VPS4B: variants seen among roughly 807,000 people sequenced by gnomAD.
The protein encoded by VPS4B is vacuolar protein sorting-associated protein 4B.
A neutral mutation model predicts 56.1 loss-of-function variants in VPS4B; 23 were observed. The observed-to-expected ratio is 0.41, with a 90% CI of 0.30 to 0.58. The LOEUF is 0.58. Among genes scored for constraint, VPS4B ranks in the 20% least tolerant of loss-of-function variants. VPS4B has a pLI of 0.29. For synonymous variants in VPS4B, 177 were observed against 186.0 expected, an observed-to-expected ratio of 0.95 and a Z score of 0.39; for missense variants, 372 against 531.9, an observed-to-expected ratio of 0.70 and a Z score of 2.96.
intron 1 of VPS4B, among the ~76,000 whole-genome samples, chr18:63,421,521 G>A (rs1916301138): frequency 1.3e-5 from 2 of 152,170 alleles, no homozygotes; most frequent in African/African-American, 4.8e-5. Context: ...TCCATTCTGG[G>A]GATGGGAGAC....
chr18:63,417,516 T>C (rs970879982), intron 1 of VPS4B, among the ~76,000 whole-genome samples: 2 of 152,196 alleles, frequency 1.3e-5, no homozygotes, highest in African/African-American at 4.8e-5. Context: ...GCGTCCTTCA[T>C]TGATTCTTCC....
intron 3 of VPS4B, among the ~76,000 whole-genome samples, chr18:63,407,915 G>C (rs1299248811): frequency 6.6e-6 from 1 of 152,158 alleles, no homozygotes; most frequent in Non-Finnish European, 1.5e-5. Flanking sequence ...AAAAAAATCT[G>C]GAACACTAAG....
At chr18:63,418,860 C>T (rs377575267) in intron 1 of VPS4B, among the ~76,000 whole-genome samples, 2 of 152,168 alleles carry the variant, frequency 1.3e-5, no homozygotes, top group South Asian at 2.1e-4. Context: ...ACCACCTGTA[C>T]GCTAATAAAT....
chr18:63,419,311 G>C (rs941018270), intron 1 of VPS4B, among the ~76,000 whole-genome samples: 1 of 152,128 alleles, frequency 6.6e-6, no homozygotes, highest in African/African-American at 2.4e-5. Context: ...CTGCTACATG[G>C]GGGGCTGATG....
Position 63,393,568 on chromosome 18 carries a change from T to C in VPS4B, c.1093-19A>G, listed in dbSNP as rs748335019. 1.9e-6 allele frequency: 3 copies of C among 1,549,548 alleles called. 1 individual carries two copies. The South Asian group carries it at 3.7e-5, about 19-fold the overall frequency. On this transcript the variant is annotated intron_variant, in intron 9 of 10. Transcript: ENST00000238497. ...CGCGAACCTGAAATAAACAGTAATC[T>C]GAAATATGTATTTGAAACAAAATTG... is the stretch of plus-strand genomic sequence containing the variant.
Position 63,397,161 on chromosome 18 carries a change from G to T in VPS4B, c.965C>A (p.Thr322Lys). 6.2e-7 allele frequency: 1 copy of T among 1,614,142 alleles called. No homozygotes were observed. The highest frequency in any genetic ancestry group is 8.5e-7 in the Non-Finnish European group (1 of 1,180,038). The change falls in exon 9 of 11, where the codon ACG becomes AAG. Residue 322 changes from threonine to lysine, a missense_variant. Around this residue, in one of 3 missense-constraint regions of VPS4B, gnomAD observed 153 missense variants for 190.9 expected, o/e 0.80. Transcript: ENST00000238497. ...LHLGTTQNSL[T>K]EADFRELGRK... ...CCCAAGTTCCCGAAAGTCTGCTTCC[G>T]TGAGACTGTTCTGAGTGGTCCCTAG...
chr18:63,410,511 TAA>T, intron 2 of VPS4B, 65 bp from the exon 3 acceptor site: 2 of 1,563,986 alleles, frequency 1.3e-6, no homozygotes, highest in Non-Finnish European at 1.7e-6. Context: ...TTTGAACTCT[TAA>T]ATATGTATTT....
At chr18:63,410,923 TAC>T (rs751393578) in intron 2 of VPS4B, among the ~76,000 whole-genome samples, 110 of 152,356 alleles carry the variant, frequency 7.2e-4, no homozygotes, top group Middle Eastern at 3.4e-3. Flanking sequence ...TAAATTTTAC[TAC>T]ACAAAGGCCT....
chr18:63,412,667 A>C (rs1916069766), intron 1 of VPS4B, among the ~76,000 whole-genome samples: 1 of 152,170 alleles, frequency 6.6e-6, no homozygotes, highest in African/African-American at 2.4e-5. Context: ...CATAGAATTA[A>C]ATGTAAAACT....
At chr18:63,417,727 A>C (rs1916201445) in intron 1 of VPS4B, among the ~76,000 whole-genome samples, 2 of 152,060 alleles carry the variant, frequency 1.3e-5, no homozygotes, top group Admixed American at 6.6e-5. Flanking sequence ...CCAGGAGAAG[A>C]GCAGTTCTGT....
At chr18:63,415,054 C>T (rs1916132116) in intron 1 of VPS4B, among the ~76,000 whole-genome samples, 1 of 152,200 alleles carries the variant, frequency 6.6e-6, no homozygotes, top group Admixed American at 6.5e-5. Context: ...AGCCACTGTA[C>T]TGGGTGGCAC....
chr18:63,395,844 A>G (rs1915656662), intron 9 of VPS4B, among the ~76,000 whole-genome samples: 1 of 152,236 alleles, frequency 6.6e-6, no homozygotes, highest in Non-Finnish European at 1.5e-5. Flanking sequence ...CAGGAGGGGC[A>G]GGATAGCAGA....
intron 2 of VPS4B, among the ~76,000 whole-genome samples, chr18:63,410,824 T>C (rs1343760080): frequency 6.6e-6 from 1 of 152,256 alleles, no homozygotes; most frequent in East Asian, 1.9e-4. Context: ...GAAAGCAGTA[T>C]TAATCATTTC....
chr18:63,399,782 T>A (rs1308559700), intron 7 of VPS4B, among the ~76,000 whole-genome samples: 1 of 152,196 alleles, frequency 6.6e-6, no homozygotes, highest in Non-Finnish European at 1.5e-5. Flanking sequence ...TTTGTTAGAA[T>A]GGAGAAATTC....
At chr18:63,413,768 A>T (rs2144435405) in intron 1 of VPS4B, among the ~76,000 whole-genome samples, 1 of 152,342 alleles carries the variant, frequency 6.6e-6, no homozygotes, top group African/African-American at 2.4e-5. Context: ...TAAGAATATT[A>T]CATTTTGGGG....
intron 1 of VPS4B, chr18:63,415,732 T>C: frequency 4.2e-6 from 1 of 239,222 alleles, no homozygotes; most frequent in Admixed American, 4.1e-5. Flanking sequence ...CTGATGGAGC[T>C]GATGACAGAT....
chr18:63,399,149 T>C (rs1380757023), intron 8 of VPS4B, 93 bp downstream of exon 8: 6 of 1,185,576 alleles, frequency 5.1e-6, no homozygotes, highest in Non-Finnish European at 7.4e-6. Context: ...TTTTGAAAAG[T>C]TGTTAGAATG....
At chr18:63,409,250 T>C (rs1163610846) in intron 3 of VPS4B, among the ~76,000 whole-genome samples, 3 of 152,210 alleles carry the variant, frequency 2.0e-5, no homozygotes, top group East Asian at 1.9e-4. Flanking sequence ...CTCTGCCACA[T>C]AGTTTGAAGC....
Position 63,411,497 on chromosome 18 carries a change from C to A in VPS4B, c.109G>T (p.Ala37Ser). 1 of 1,598,130 alleles carries A rather than the reference C, an allele frequency of 6.3e-7. No individual in the cohort carries two copies. The highest frequency in any genetic ancestry group is 8.5e-7 in the Non-Finnish European group (1 of 1,171,950). The change falls in exon 2 of 11, where the codon GCT (alanine) becomes TCT (serine). Residue 37 changes from alanine (A) to serine (S), a missense_variant. Ala to Ser is a moderately conservative substitution (Grantham distance 99, BLOSUM62 1). Transcript: ENST00000238497. ...ACGACATGAAGAAAATACTGCACAG[C>A]ATGCTGATAGAGCTGAAGGGCTTCT... ...YEEALQLYQHAVQYFLHVVKY... is the reference protein window; with the variant it reads ...YEEALQLYQHSVQYFLHVVKY...
Sources: allele counts gnomAD v4.1 joint callset (sites outside exome capture counted in the v4.1 genomes callset), GRCh38; gene constraint gnomAD v4.1.1; regional missense constraint gnomAD v4.1.1; transcripts MANE v1.5; gene names NCBI Gene and HGNC (gene_info 2026-07-23, HGNC 2026-07-21).